The following DLG2 variants were observed in gnomAD, a reference collection of about 807,000 sequenced individuals.
The protein encoded by DLG2 is disks large homolog 2.
A neutral mutation model predicts 132.5 loss-of-function variants in DLG2; 45 were observed. The observed-to-expected ratio is 0.34, with a 90% CI of 0.27 to 0.44. The LOEUF (loss-of-function observed/expected upper bound fraction) is 0.44. Ranked by LOEUF, DLG2 falls within the 20% of genes least tolerant of loss-of-function variation. The probability of loss-of-function intolerance (pLI) is 1.00; values close to 1 mark genes in which losing one functional copy is unlikely to be tolerated. For missense variants in DLG2, 1,045 were observed against 1,196.9 expected (o/e 0.87, Z 1.87); for synonymous variants, 424 against 419.6 (o/e 1.01, Z -0.13).
chr11:85,575,225 A>G (rs115614421), intron 3 of DLG2, among the ~76,000 whole-genome samples: 1 of 151,770 alleles, frequency 6.6e-6, no homozygotes, highest in African/African-American at 2.4e-5. Context: ...AGCATTTCCT[A>G]CTACTGTTTC....
intron 7 of DLG2, among the ~76,000 whole-genome samples, chr11:84,276,784 T>C (rs569121703): frequency 6.6e-6 from 1 of 152,348 alleles, no homozygotes; most frequent in Admixed American, 6.5e-5. Context: ...GAGTGCTTTC[T>C]GCTGGTGAAT....
At chr11:83,799,335 T>C (rs748132703) in intron 17 of DLG2, among the ~76,000 whole-genome samples, 1 of 152,218 alleles carries the variant, frequency 6.6e-6, no homozygotes, top group Non-Finnish European at 1.5e-5. Flanking sequence ...TTTAACACAA[T>C]TGGACCTGTG....
chr11:83,531,647 A>G lies in DLG2; in HGVS notation c.2193+1061T>C, dbSNP rs569523243. Among the ~76,000 whole-genome samples, 22 of 152,176 alleles carry G rather than the reference A, an allele frequency of 1.4e-4. No individual in the cohort carries two copies. The South Asian group carries it at 1.9e-3, about 13-fold the overall frequency. On this transcript the variant is annotated intron_variant, in intron 21 of 27. Coordinates refer to ENST00000376104, the MANE Select transcript of DLG2 (RefSeq NM_001142699.3). Reference sequence around the variant, plus strand: ...TGACCCAACAATCTCACTCCTAGGCATACAGCCAATGGAAATAAAAATATA... The same window carrying G: ...TGACCCAACAATCTCACTCCTAGGCGTACAGCCAATGGAAATAAAAATATA...
At chr11:85,472,051 T>C (rs1347806818) in intron 3 of DLG2, among the ~76,000 whole-genome samples, 1 of 152,158 alleles carries the variant, frequency 6.6e-6, no homozygotes, top group Non-Finnish European at 1.5e-5. Flanking sequence ...AAACCCGACC[T>C]TCAAACCAAA....
chr11:85,059,657 A>T (rs2063823178), intron 6 of DLG2, among the ~76,000 whole-genome samples: 1 of 151,596 alleles, frequency 6.6e-6, no homozygotes, highest in Admixed American at 6.6e-5. Flanking sequence ...GAGTGAAATA[A>T]GCAAGGGGAA....
intron 4 of DLG2, among the ~76,000 whole-genome samples, chr11:85,216,380 A>G (rs956090875): frequency 6.6e-6 from 1 of 152,240 alleles, no homozygotes; most frequent in African/African-American, 2.4e-5. Flanking sequence ...TTAAAATCCA[A>G]TAATAAGACT....
At chr11:84,012,453 G>C (rs966624495) in intron 11 of DLG2, among the ~76,000 whole-genome samples, 2 of 152,140 alleles carry the variant, frequency 1.3e-5, no homozygotes, top group African/African-American at 4.8e-5. Context: ...CCACTGTTGG[G>C]TCATTCGATG....
At chr11:83,585,822 T>C (rs1407186872) in intron 19 of DLG2, among the ~76,000 whole-genome samples, 2 of 152,126 alleles carry the variant, frequency 1.3e-5, no homozygotes, top group Non-Finnish European at 2.9e-5. Flanking sequence ...AAAGTCAACA[T>C]TCAAGGCTGA....
At chr11:84,741,049 C>T (rs2153822883) in intron 6 of DLG2, among the ~76,000 whole-genome samples, 1 of 147,348 alleles carries the variant, frequency 6.8e-6, no homozygotes. Context: ...AACTGTGTGC[C>T]TATGCTCTTT....
At chr11:83,485,415 TA>T (rs997194523) in intron 21 of DLG2, among the ~76,000 whole-genome samples, 18 of 152,166 alleles carry the variant, frequency 1.2e-4, no homozygotes, top group Non-Finnish European at 2.2e-4. Context: ...CATATATCAT[TA>T]AAAAATATGT....
intron 6 of DLG2, among the ~76,000 whole-genome samples, chr11:84,691,623 A>C (rs532545324): frequency 6.6e-6 from 1 of 151,856 alleles, no homozygotes; most frequent in African/African-American, 2.4e-5. Flanking sequence ...ATAGAAAAAT[A>C]ATCTATTCTA....
rs2099622659 is a variant in DLG2, at chr11:84,626,466, G to A, written c.358-91735C>T. On this transcript the variant is annotated intron_variant, in intron 6 of 27. Coordinates refer to ENST00000376104, the MANE Select transcript of DLG2 (RefSeq NM_001142699.3). ...AGCAAATGTGCACATTGGGAAGCAT[G>A]TGGGACTTAGGGAGGAAAGTTGGTG... 2.0e-5 allele frequency among the ~76,000 whole-genome samples: 3 copies of A among 152,206 alleles called. No individual in the cohort carries two copies. The South Asian group carries it at 6.2e-4, about 31-fold the overall frequency.
intron 19 of DLG2, among the ~76,000 whole-genome samples, chr11:83,600,375 T>A (rs1432207851): frequency 1.3e-5 from 2 of 152,114 alleles, no homozygotes; most frequent in Admixed American, 6.5e-5. Flanking sequence ...ATGTTTCTCT[T>A]GAGAAATTTT....
At chr11:83,965,255 G>T in intron 13 of DLG2, 69 bp downstream of exon 13, 1 of 1,489,364 alleles carries the variant, frequency 6.7e-7, no homozygotes. Context: ...AGAACACTTT[G>T]TCAACAGTTT....
intron 3 of DLG2, among the ~76,000 whole-genome samples, chr11:85,511,445 A>G (rs1043774070): frequency 6.6e-6 from 1 of 151,996 alleles, no homozygotes; most frequent in Non-Finnish European, 1.5e-5. Context: ...TGAGTTATTA[A>G]TTTCAAGAAT....
At chr11:84,330,210 C>T (rs948620505) in intron 7 of DLG2, among the ~76,000 whole-genome samples, 1 of 152,166 alleles carries the variant, frequency 6.6e-6, no homozygotes, top group African/African-American at 2.4e-5. Flanking sequence ...TGAACAGAGA[C>T]TCAATAAAGG....
intron 9 of DLG2, among the ~76,000 whole-genome samples, chr11:84,118,764 A>T (rs1055740397): frequency 3.9e-5 from 6 of 152,210 alleles, no homozygotes; most frequent in African/African-American, 2.4e-5. Flanking sequence ...CATTTTTATG[A>T]TTCTGCCACC....
chr11:83,768,027 T>C (rs2094215735), intron 18 of DLG2, among the ~76,000 whole-genome samples: 1 of 152,206 alleles, frequency 6.6e-6, no homozygotes, highest in African/African-American at 2.4e-5. Flanking sequence ...GAATATTTAC[T>C]TTCTAGTGGC....
chr11:83,531,185 T>G (rs915738437), intron 21 of DLG2, among the ~76,000 whole-genome samples: 2 of 528 alleles, frequency 3.8e-3, no homozygotes, highest in Non-Finnish European at 4.7e-3. Flanking sequence ...TTAGAACCTT[T>G]TGTGTACCAA....
Sources: gnomAD v4.1 joint callset for allele counts (sites outside exome capture counted in the v4.1 genomes callset) on GRCh38, gnomAD v4.1.1 for gene constraint, MANE v1.5 for transcripts, NCBI Gene and HGNC (gene_info 2026-07-23, HGNC 2026-07-21) for gene names.